Variants in SLIT3 observed in about 807,000 individuals in gnomAD.
The protein encoded by SLIT3 is slit guidance ligand 3, also known as slit homolog 3 protein.
In SLIT3, 68 loss-of-function variants were observed where a neutral mutation model predicts 184.0. That is an observed-to-expected ratio of 0.37 (90% CI 0.30 to 0.45). The LOEUF is 0.45. Among genes scored for constraint, SLIT3 ranks in the 20% least tolerant of loss-of-function variants. The probability of loss-of-function intolerance (pLI) is 1.00; values close to 1 mark genes in which losing one functional copy is unlikely to be tolerated. For synonymous variants in SLIT3, 831 were observed against 828.6 expected (o/e 1.00, Z -0.05); for missense variants, 1,707 against 2,026.0 (o/e 0.84, Z 3.02).
chr5:168,859,175 G>A (rs1330215547), intron 5 of SLIT3, among the ~76,000 whole-genome samples: 1 of 152,146 alleles, frequency 6.6e-6, no homozygotes, highest in African/African-American at 2.4e-5. Context: ...GCAGGGGGTG[G>A]AGGGACGGGG....
At chr5:168,947,221 A>T (rs2113226303) in intron 4 of SLIT3, among the ~76,000 whole-genome samples, 1 of 152,362 alleles carries the variant, frequency 6.6e-6, no homozygotes, top group Non-Finnish European at 1.5e-5. Context: ...TGAAAGAGAA[A>T]TGCAACGAGA....
chr5:168,762,991 A>C (rs1755212629), intron 14 of SLIT3, among the ~76,000 whole-genome samples: 1 of 152,078 alleles, frequency 6.6e-6, no homozygotes, highest in African/African-American at 2.4e-5. Flanking sequence ...AAGCTGATGA[A>C]AGTTATGAAT....
intron 6 of SLIT3, among the ~76,000 whole-genome samples, chr5:168,832,691 T>A (rs1757919297): frequency 6.6e-6 from 1 of 152,244 alleles, no homozygotes; most frequent in African/African-American, 2.4e-5. Flanking sequence ...TTCAAGAGAC[T>A]GTGTTATGCT....
At chr5:168,746,184 T>C (rs1353473556) in intron 20 of SLIT3, among the ~76,000 whole-genome samples, 2 of 152,222 alleles carry the variant, frequency 1.3e-5, no homozygotes, top group African/African-American at 4.8e-5. Flanking sequence ...GGTATGCCTG[T>C]ACGTGCTAAC....
rs567484140 is a variant in SLIT3, at chr5:168,888,491, G to C, written c.414-5155C>G. On this transcript the variant is annotated intron_variant, in intron 4 of 35. Transcript: ENST00000519560. The stretch of plus-strand genomic sequence containing the variant: ...TCCACCCCAAAGTATTCCTAAGAAG[G>C]CTTCGGGGATAGTTCTGAATCTACA... 4.6e-5 allele frequency among the ~76,000 whole-genome samples: 7 copies of C among 152,338 alleles called. No homozygotes were observed. In the East Asian group the frequency reaches 9.6e-4, roughly 21 times the overall value.
chr5:168,926,372 C>T (rs1453581670), intron 4 of SLIT3, among the ~76,000 whole-genome samples: 1 of 152,150 alleles, frequency 6.6e-6, no homozygotes, highest in African/African-American at 2.4e-5. Context: ...TAAGAGAGAA[C>T]ATATATCTTC....
At chr5:168,916,610 C>T (rs1484111453) in intron 4 of SLIT3, among the ~76,000 whole-genome samples, 1 of 152,204 alleles carries the variant, frequency 6.6e-6, no homozygotes, top group African/African-American at 2.4e-5. Flanking sequence ...GCTCCTTGCC[C>T]AGAGGATTAT....
chr5:168,920,317 G>A (rs747067066), intron 4 of SLIT3, among the ~76,000 whole-genome samples: 5 of 152,012 alleles, frequency 3.3e-5, no homozygotes, highest in Non-Finnish European at 7.4e-5. Flanking sequence ...ACCCCTTCCG[G>A]GCAGCCCCCA....
At chr5:168,939,170 C>A (rs1762256237) in intron 4 of SLIT3, among the ~76,000 whole-genome samples, 1 of 152,170 alleles carries the variant, frequency 6.6e-6, no homozygotes, top group Admixed American at 6.5e-5. Context: ...CAAATACAAA[C>A]CCCCTGGGCA....
intron 4 of SLIT3, among the ~76,000 whole-genome samples, chr5:169,126,701 T>C (rs1304864748): frequency 6.6e-6 from 1 of 152,254 alleles, no homozygotes; most frequent in African/African-American, 2.4e-5. Context: ...ATGCTGGAGA[T>C]GCCCGAGTCT....
intron 32 of SLIT3, among the ~76,000 whole-genome samples, chr5:168,682,286 C>T (rs758062505): frequency 6.6e-6 from 1 of 152,242 alleles, no homozygotes; most frequent in Non-Finnish European, 1.5e-5. Flanking sequence ...GCATGCCTTG[C>T]CCACCTGTTC....
At chr5:169,259,780 C>T (rs1766102611) in intron 1 of SLIT3, among the ~76,000 whole-genome samples, 1 of 152,186 alleles carries the variant, frequency 6.6e-6, no homozygotes, top group Admixed American at 6.5e-5. Context: ...TAATTGTCAT[C>T]TTTTGGGAGC....
intron 14 of SLIT3, chr5:168,768,168 C>T (rs780192152): frequency 2.1e-5 from 11 of 523,060 alleles, no homozygotes; most frequent in African/African-American, 3.9e-5. Flanking sequence ...CGGTGCTTTC[C>T]GCGGTGCTTG....
Position 168,753,855 on chromosome 5 carries a change from G to A in SLIT3, c.1829+9C>T. The A allele has an allele frequency of 6.2e-7, 1 of 1,609,186 alleles. No individual in the cohort carries two copies. The highest frequency in any genetic ancestry group is 2.2e-5 in the East Asian group (1 of 44,832). On this transcript the variant is annotated intron_variant, in intron 17 of 35. Coordinates refer to ENST00000519560, the MANE Select transcript of SLIT3 (RefSeq NM_003062.4). ...GGGTCTTGGCCCAGGCCCCACCCCA[G>A]GCACTCACAAGGTTTTGAGGCCACT...
At chr5:168,847,849 C>T (rs1758530554) in intron 5 of SLIT3, among the ~76,000 whole-genome samples, 1 of 152,108 alleles carries the variant, frequency 6.6e-6, no homozygotes, top group Non-Finnish European at 1.5e-5. Flanking sequence ...GTATTCTGAG[C>T]TCTCAGGTCA....
rs77062870 is a variant in SLIT3, at chr5:169,180,065, C to T, written c.413+13414G>A. 7.7e-3 allele frequency among the ~76,000 whole-genome samples: 1,170 copies of T among 152,298 alleles called. 5 individuals carry two copies. The highest frequency in any genetic ancestry group is 0.014 in the Middle Eastern group (4 of 294). ...TATGAAGAAAATAGAGCAGGATCAT[C>T]TTGTAGACAGTGACCAATGAGGAAG... On this transcript the variant is annotated intron_variant, in intron 4 of 35. Transcript: ENST00000519560.
chr5:168,842,469 G>GTTTTTTTTTTTTTTTGTTTTTTTTT (rs1758295913), intron 6 of SLIT3, among the ~76,000 whole-genome samples: 1 of 88,100 alleles, frequency 1.1e-5, no homozygotes, highest in African/African-American at 4.8e-5. Flanking sequence ...CCGTTTTTTC[G>GTTTTTTTTTTTTTTTGTTTTTTTTT]TTTTTTTTTT....
intron 3 of SLIT3, among the ~76,000 whole-genome samples, chr5:169,212,562 T>C (rs934994887): frequency 6.6e-6 from 1 of 152,220 alleles, no homozygotes; most frequent in African/African-American, 2.4e-5. Context: ...TCCCATTCTG[T>C]AGGTTGCCTG....
chr5:169,104,194 C>T (rs1760118159), intron 4 of SLIT3, among the ~76,000 whole-genome samples: 1 of 152,180 alleles, frequency 6.6e-6, no homozygotes, highest in African/African-American at 2.4e-5. Flanking sequence ...AAGGTGGGTC[C>T]CTTGCCAAGA....
Sources: gnomAD v4.1 joint callset for allele counts (sites outside exome capture counted in the v4.1 genomes callset) on GRCh38, gnomAD v4.1.1 for gene constraint, MANE v1.5 for transcripts, NCBI Gene and HGNC (gene_info 2026-07-23, HGNC 2026-07-21) for gene names.